Variants in TRPM3 observed in about 807,000 individuals in gnomAD.
TRPM3 encodes long transient receptor potential channel 3.
In TRPM3, 77 loss-of-function variants were observed where a neutral mutation model predicts 181.2. The observed-to-expected ratio is 0.42, with a 90% CI of 0.35 to 0.51. The LOEUF is 0.51. TRPM3 is among the 20% of genes least tolerant of loss of function. The probability of loss-of-function intolerance (pLI) is 0.01; values close to 1 mark genes in which losing one functional copy is unlikely to be tolerated. For missense variants in TRPM3, 1,759 were observed against 2,196.7 expected (o/e 0.80, Z 3.98); for synonymous variants, 745 against 796.4 (o/e 0.94, Z 1.09).
At chr9:71,192,511 T>C (rs927689877) in intron 1 of TRPM3, among the ~76,000 whole-genome samples, 4 of 151,926 alleles carry the variant, frequency 2.6e-5, no homozygotes, top group African/African-American at 9.7e-5. Flanking sequence ...TGATGATTAG[T>C]GATGTTGAGC....
intron 9 of TRPM3, among the ~76,000 whole-genome samples, 185 bp downstream of exon 9, chr9:70,681,321 C>T (rs1011270000): frequency 1.3e-5 from 2 of 152,100 alleles, no homozygotes; most frequent in Non-Finnish European, 2.9e-5. Flanking sequence ...AATTGAGTCA[C>T]ACTATAATAT....
chr9:70,604,729 A>G (rs895697411), intron 19 of TRPM3, among the ~76,000 whole-genome samples: 2 of 149,888 alleles, frequency 1.3e-5, no homozygotes, highest in South Asian at 4.2e-4. Flanking sequence ...TCATTGTAGC[A>G]TTGACTTCCT....
At chr9:70,803,033 TAAAAAAAAAAAA>T (rs78461560) in intron 6 of TRPM3, among the ~76,000 whole-genome samples, 1 of 42,890 alleles carries the variant, frequency 2.3e-5, no homozygotes, top group African/African-American at 8.6e-5. Context: ...AGAAATTTTG[TAAAAAAAAAAAA>T]AAAAAAAAAA....
intron 8 of TRPM3, among the ~76,000 whole-genome samples, chr9:70,753,448 G>A (rs535612638): frequency 6.6e-6 from 1 of 152,242 alleles, no homozygotes; most frequent in Middle Eastern, 3.4e-3. Context: ...GGATTGGCTG[G>A]TGTTATTGAA....
rs117955433 is a variant in TRPM3, at chr9:71,357,821, T to C, written c.183+88832A>G. ...CAGAGAGATTGAGTCAAATAACTAT[T>C]CAGTTCCAAAGCTTTTCCTATGAAT... On this transcript the variant is annotated intron_variant, in intron 1 of 24. Coordinates refer to the TRPM3 transcript ENST00000357533. Among the ~76,000 whole-genome samples, 334 of 152,232 alleles carry C rather than the reference T, an allele frequency of 2.2e-3. 2 individuals carry two copies. The highest frequency in any genetic ancestry group is 2.7e-3 in the Non-Finnish European group (183 of 68,000).
intron 25 of TRPM3, among the ~76,000 whole-genome samples, chr9:70,548,401 C>T (rs2045604379): frequency 6.6e-6 from 1 of 152,172 alleles, no homozygotes; most frequent in Non-Finnish European, 1.5e-5. Context: ...TACCTACTTA[C>T]ATAGACTGAA....
chr9:70,677,728 C>A (rs2064370608), intron 9 of TRPM3, among the ~76,000 whole-genome samples: 1 of 152,176 alleles, frequency 6.6e-6, no homozygotes. Context: ...TGGAATGTCA[C>A]ATAAAAATAA....
chr9:71,345,041 T>C (rs1254027924), intron 1 of TRPM3, among the ~76,000 whole-genome samples: 1 of 152,226 alleles, frequency 6.6e-6, no homozygotes, highest in Non-Finnish European at 1.5e-5. Flanking sequence ...CACAATGAGA[T>C]ACCATCTCAT....
intron 22 of TRPM3, among the ~76,000 whole-genome samples, chr9:70,585,112 T>C (rs1431802436): frequency 2.0e-5 from 3 of 152,186 alleles, no homozygotes; most frequent in African/African-American, 7.2e-5. Context: ...AGCATTTCTC[T>C]CCCTCTTGCC....
At chr9:71,406,641 A>C (rs772433111) in intron 1 of TRPM3, among the ~76,000 whole-genome samples, 13 of 152,204 alleles carry the variant, frequency 8.5e-5, no homozygotes, top group Non-Finnish European at 1.8e-4. Context: ...ATTAAGAGTG[A>C]CTAGAAATCA....
At chr9:71,234,714 C>A (rs536342696) in intron 1 of TRPM3, among the ~76,000 whole-genome samples, 2 of 152,150 alleles carry the variant, frequency 1.3e-5, no homozygotes, top group Non-Finnish European at 2.9e-5. Flanking sequence ...CCCCTAACTC[C>A]TACTACAGTC....
chr9:71,276,974 T>C (rs1360119610), intron 1 of TRPM3, among the ~76,000 whole-genome samples: 1 of 152,218 alleles, frequency 6.6e-6, no homozygotes, highest in Non-Finnish European at 1.5e-5. Context: ...TGAAAAAGAA[T>C]GAACTTAAGT....
chr9:71,444,524 T>C (rs2131694134), intron 1 of TRPM3, among the ~76,000 whole-genome samples: 1 of 152,310 alleles, frequency 6.6e-6, no homozygotes, highest in East Asian at 1.9e-4. Flanking sequence ...TTATGGAATA[T>C]CTTATTTATT....
intron 1 of TRPM3, among the ~76,000 whole-genome samples, chr9:71,203,903 A>T (rs1464024466): frequency 6.6e-6 from 1 of 152,166 alleles, no homozygotes; most frequent in Non-Finnish European, 1.5e-5. Flanking sequence ...TACGATTGAA[A>T]GTAATCTCAT....
At chr9:70,542,183 T>C (rs2043553831) in intron 25 of TRPM3, among the ~76,000 whole-genome samples, 1 of 152,166 alleles carries the variant, frequency 6.6e-6, no homozygotes, top group African/African-American at 2.4e-5. Context: ...CTGAGGTATA[T>C]ACCAAGAGTT....
At chr9:71,300,028 G>A (rs1054451840) in intron 1 of TRPM3, among the ~76,000 whole-genome samples, 3 of 152,088 alleles carry the variant, frequency 2.0e-5, no homozygotes, top group Non-Finnish European at 2.9e-5. Context: ...TAACCCATAT[G>A]TAAAGAGTAA....
intron 3 of TRPM3, among the ~76,000 whole-genome samples, chr9:70,853,400 G>A (rs1406694059): frequency 6.6e-6 from 1 of 152,214 alleles, no homozygotes. Flanking sequence ...TTGGGCCTCT[G>A]CATTTCTAAC....
At chr9:71,080,184 A>AAATAAATAAAT (rs1238953614) in intron 1 of TRPM3, among the ~76,000 whole-genome samples, 1 of 147,876 alleles carries the variant, frequency 6.8e-6, no homozygotes, top group African/African-American at 2.5e-5. Flanking sequence ...ATAAATAAAT[A>AAATAAATAAAT]AATAAATAAA....
intron 1 of TRPM3, among the ~76,000 whole-genome samples, chr9:71,074,777 G>C (rs987070969): frequency 1.4e-4 from 21 of 151,946 alleles, no homozygotes; most frequent in Admixed American, 3.3e-4. Flanking sequence ...ATAGAGACCT[G>C]GCAATTCTGG....
Sources: gnomAD v4.1 joint callset for allele counts (sites outside exome capture counted in the v4.1 genomes callset) on GRCh38, gnomAD v4.1.1 for gene constraint, MANE v1.5 for transcripts, NCBI Gene and HGNC (gene_info 2026-07-23, HGNC 2026-07-21) for gene names.